Variants in ARNT2 observed in about 807,000 individuals in gnomAD.
The protein encoded by ARNT2 is aryl hydrocarbon receptor nuclear translocator 2.
In ARNT2, 36 loss-of-function variants were observed where a neutral mutation model predicts 91.7. The ratio of observed to expected loss-of-function variants is 0.39; its 90% CI spans 0.30 to 0.52. The LOEUF is 0.52. ARNT2 is among the 20% of genes least tolerant of loss of function. The pLI is 0.72. For synonymous variants in ARNT2, 365 were observed against 347.1 expected, an observed-to-expected ratio of 1.05 and a Z score of -0.57; for missense variants, 775 against 939.3, an observed-to-expected ratio of 0.83 and a Z score of 2.29.
intron 1 of ARNT2, among the ~76,000 whole-genome samples, chr15:80,416,382 A>G (rs1407477939): frequency 6.6e-6 from 1 of 152,120 alleles, no homozygotes; most frequent in Non-Finnish European, 1.5e-5. Flanking sequence ...AAATGCTTCA[A>G]GGTATATTAT....
chr15:80,482,432 T>C (rs978736044), intron 5 of ARNT2, among the ~76,000 whole-genome samples: 2 of 152,130 alleles, frequency 1.3e-5, no homozygotes, highest in African/African-American at 4.8e-5. Context: ...TGCATGGGGA[T>C]TATCGGCCCC....
chr15:80,549,892 G>A (rs910396682), intron 8 of ARNT2, among the ~76,000 whole-genome samples: 3 of 152,198 alleles, frequency 2.0e-5, no homozygotes, highest in African/African-American at 4.8e-5. Flanking sequence ...AAACACATAT[G>A]CACAAGGTTA....
chr15:80,587,395 C>T (rs1168596555), intron 17 of ARNT2, among the ~76,000 whole-genome samples: 1 of 151,686 alleles, frequency 6.6e-6, no homozygotes, highest in Non-Finnish European at 1.5e-5. Context: ...CAAATGTCCC[C>T]CTTGGTTTGG....
chr15:80,433,039 T>A (rs1227211976), intron 1 of ARNT2, among the ~76,000 whole-genome samples: 1 of 152,064 alleles, frequency 6.6e-6, no homozygotes, highest in Non-Finnish European at 1.5e-5. Context: ...TAACACAAAA[T>A]GTTTTTTTGG....
intron 1 of ARNT2, among the ~76,000 whole-genome samples, chr15:80,423,027 G>T (rs2141562923): frequency 6.6e-6 from 1 of 152,200 alleles, no homozygotes; most frequent in Admixed American, 6.5e-5. Context: ...AAAAACATTT[G>T]CTTTTAAATC....
At chr15:80,420,489 T>A (rs1895846910) in intron 1 of ARNT2, among the ~76,000 whole-genome samples, 1 of 152,136 alleles carries the variant, frequency 6.6e-6, no homozygotes, top group Non-Finnish European at 1.5e-5. Context: ...GTTAGGTGTA[T>A]TAAATGCATT....
chr15:80,501,835 G>T (rs896101274), intron 5 of ARNT2, among the ~76,000 whole-genome samples: 1 of 152,246 alleles, frequency 6.6e-6, no homozygotes, highest in Non-Finnish European at 1.5e-5. Context: ...GAGAAATGAA[G>T]TGACCTGAAC....
intron 1 of ARNT2, among the ~76,000 whole-genome samples, chr15:80,416,583 G>A (rs1283266304): frequency 6.6e-6 from 1 of 152,038 alleles, no homozygotes; most frequent in East Asian, 1.9e-4. Flanking sequence ...AAGTTCTGAT[G>A]TCTCTTTAGT....
intron 1 of ARNT2, among the ~76,000 whole-genome samples, chr15:80,439,776 C>A (rs73491043): frequency 6.6e-6 from 1 of 152,132 alleles, no homozygotes; most frequent in African/African-American, 2.4e-5. Context: ...GAGAACTGGC[C>A]TCTTCCCTTT....
Position 80,581,355 on chromosome 15 carries a change from G to T in ARNT2, c.1869G>T (p.Ser623=), listed in dbSNP as rs764213890. 1 of 1,614,104 alleles carries T rather than the reference G, an allele frequency of 6.2e-7. No individual in the cohort carries two copies. Among genetic ancestry groups the T allele is most frequent in the Non-Finnish European group, 8.5e-7 (1 of 1,180,010 alleles). ...YSPLSSPATS[S]PSGNAYSSLA... is the part of the protein sequence containing the mutation. ...CCCTCTCCAGCCCAGCTACCTCCTC[G>T]CCAAGTGGGAATGCCTACTCCAGTC... The change falls in exon 17 of 19, where the codon TCG becomes TCT. Residue 623 remains serine, a synonymous_variant. Transcript: ENST00000303329.
intron 3 of ARNT2, among the ~76,000 whole-genome samples, chr15:80,464,718 G>A (rs1250970036): frequency 6.6e-6 from 1 of 152,192 alleles, no homozygotes; most frequent in African/African-American, 2.4e-5. Context: ...CCTCCATGGG[G>A]CTCCTGAAAT....
chr15:80,405,302 C>A (rs1267218780), intron 1 of ARNT2, among the ~76,000 whole-genome samples: 1 of 152,192 alleles, frequency 6.6e-6, no homozygotes, highest in Admixed American at 6.5e-5. Flanking sequence ...GGAAAGTTCC[C>A]TACCTGATGA....
chr15:80,533,860 A>G (rs981967271), intron 8 of ARNT2, among the ~76,000 whole-genome samples: 2 of 152,200 alleles, frequency 1.3e-5, no homozygotes, highest in Non-Finnish European at 2.9e-5. Flanking sequence ...ATGAGGCCCC[A>G]AGAGGGACAG....
intron 5 of ARNT2, among the ~76,000 whole-genome samples, chr15:80,505,372 T>C (rs944196351): frequency 2.0e-5 from 3 of 152,132 alleles, no homozygotes; most frequent in African/African-American, 7.2e-5. Context: ...GGGGGACAGA[T>C]GTAAGGTGGT....
intron 17 of ARNT2, among the ~76,000 whole-genome samples, chr15:80,590,388 T>A (rs1160537083): frequency 6.6e-6 from 1 of 152,212 alleles, no homozygotes; most frequent in Non-Finnish European, 1.5e-5. Context: ...AAAACGTTTT[T>A]AGACAAAATT....
chr15:80,408,894 A>T (rs1462674367), intron 1 of ARNT2, among the ~76,000 whole-genome samples: 1 of 152,244 alleles, frequency 6.6e-6, no homozygotes, highest in African/African-American at 2.4e-5. Flanking sequence ...AATGAATTTT[A>T]AAAAGTTAAT....
chr15:80,508,039 C>G, intron 5 of ARNT2, 117 bp from the exon 6 acceptor site: 1 of 898,714 alleles, frequency 1.1e-6, no homozygotes, highest in South Asian at 1.6e-5. Flanking sequence ...AAACAATTTG[C>G]ACAGCCACAC....
In ARNT2 at chr15:80,471,129, A is replaced by G. The variant is rs140477618; in HGVS notation, c.408+698A>G. Among the ~76,000 whole-genome samples the G allele has an allele frequency of 2.4e-3, 373 of 152,366 alleles. 1 individual carries two copies. Among genetic ancestry groups the G allele is most frequent in the African/African-American group, 8.5e-3 (353 of 41,586 alleles). On this transcript the variant is annotated intron_variant, in intron 4 of 18. Coordinates refer to ENST00000303329, the MANE Select transcript of ARNT2 (RefSeq NM_014862.4). Reference sequence around the variant, plus strand: ...ATAGCAAAGACATGGACTCAACATAAATGTTCATCAATGACAGATTGGATA... The same window carrying G: ...ATAGCAAAGACATGGACTCAACATAGATGTTCATCAATGACAGATTGGATA...
intron 8 of ARNT2, among the ~76,000 whole-genome samples, chr15:80,528,751 C>A (rs1429510047): frequency 6.6e-6 from 1 of 152,192 alleles, no homozygotes; most frequent in Non-Finnish European, 1.5e-5. Flanking sequence ...CTCCCCTTCA[C>A]CTTCCACCAG....
Sources: allele counts gnomAD v4.1 joint callset (sites outside exome capture counted in the v4.1 genomes callset), GRCh38; gene constraint gnomAD v4.1.1; transcripts MANE v1.5; gene names NCBI Gene and HGNC (gene_info 2026-07-23, HGNC 2026-07-21).